COQ8A: variants seen among roughly 807,000 people sequenced by gnomAD.
COQ8A encodes the protein atypical kinase COQ8A, mitochondrial.
A neutral mutation model predicts 65.0 loss-of-function variants in COQ8A; 51 were observed. That is an observed-to-expected ratio of 0.78 (90% CI 0.63 to 0.99). The LOEUF (loss-of-function observed/expected upper bound fraction) is 0.99, where lower values mean the gene tolerates loss of function less well. Ranked by LOEUF, COQ8A falls within the 50% of genes least tolerant of loss-of-function variation. The probability of loss-of-function intolerance (pLI) is 0.00; values close to 1 mark genes in which losing one functional copy is unlikely to be tolerated. For missense variants in COQ8A, 940 were observed against 875.0 expected, an observed-to-expected ratio of 1.07 and a Z score of -0.94; for synonymous variants, 371 against 353.2, an observed-to-expected ratio of 1.05 and a Z score of -0.57.
At chr1:226,980,483 C>T (rs1192970632) in intron 5 of COQ8A, among the ~76,000 whole-genome samples, 1 of 152,188 alleles carries the variant, frequency 6.6e-6, no homozygotes, top group African/African-American at 2.4e-5. Context: ...GCCTGCCCCT[C>T]CCCAGGGACC....
chr1:226,977,553 G>C, intron 5 of COQ8A, 30 bp downstream of exon 5: 2 of 1,547,878 alleles, frequency 1.3e-6, no homozygotes. Flanking sequence ...GGGAGGGGCA[G>C]GGTGGGCCCC....
At chr1:226,957,988 G>C (rs75334923) in intron 1 of COQ8A, 1 of 152,128 alleles carries the variant, frequency 6.6e-6, no homozygotes, top group Non-Finnish European at 1.5e-5. Flanking sequence ...ACCCCTGTCC[G>C]TGGGGTTGGG....
intron 5 of COQ8A, among the ~76,000 whole-genome samples, chr1:226,978,189 C>T (rs140678488): frequency 2.7e-5 from 4 of 149,874 alleles, no homozygotes; most frequent in African/African-American, 9.8e-5. Flanking sequence ...CCTCCACACA[C>T]CCACCTCATA....
At chr1:226,953,155 G>T (rs540400903) in intron 1 of COQ8A, among the ~76,000 whole-genome samples, 15 of 151,944 alleles carry the variant, frequency 9.9e-5, no homozygotes, top group Non-Finnish European at 1.9e-4. Context: ...TCAGCCTCCC[G>T]AGTAGCTGGG....
chr1:226,968,321 T>G (rs1305870432), intron 4 of COQ8A, among the ~76,000 whole-genome samples: 1 of 151,976 alleles, frequency 6.6e-6, no homozygotes, highest in East Asian at 1.9e-4. Context: ...GGCGACAGAG[T>G]GAGACTCTGT....
At chr1:226,943,522 G>A (rs1271325036) in intron 1 of COQ8A, among the ~76,000 whole-genome samples, 1 of 152,164 alleles carries the variant, frequency 6.6e-6, no homozygotes, top group Non-Finnish European at 1.5e-5. Flanking sequence ...AGAACTGAAG[G>A]CATGGATTCA....
Position 226,965,655 on chromosome 1 carries a change from T to C in COQ8A, c.589-16T>C, listed in dbSNP as rs1337996417. The C allele has an allele frequency of 1.2e-6, 2 of 1,613,926 alleles. No homozygotes were observed. Among genetic ancestry groups the C allele is most frequent in the South Asian group, 2.2e-5 (2 of 91,070 alleles). The stretch of plus-strand genomic sequence containing the variant: ...CCTTGGCTGATTCCACAGGTCTCTT[T>C]CTCGTCTCCCTCCAGCTCAGCGAGC... On this transcript the variant is annotated splice_polypyrimidine_tract_variant and intron_variant, in intron 3 of 14. Coordinates refer to ENST00000366777, the MANE Select transcript of COQ8A (RefSeq NM_020247.5).
chr1:226,956,200 T>C (rs1657738399), intron 1 of COQ8A, among the ~76,000 whole-genome samples: 1 of 129,526 alleles, frequency 7.7e-6, no homozygotes. Flanking sequence ...ACACTCTCCC[T>C]GGCTGCCACT....
At position 226,972,479 on chromosome 1, in the gene COQ8A, G is replaced by A. The variant is rs999204533; in HGVS notation, c.656-4970G>A. On this transcript the variant is annotated intron_variant, in intron 4 of 14. Transcript: ENST00000366777. The surrounding 1 kb of genome is among the most constrained non-coding windows in gnomAD (Gnocchi z 4.3). ...ATTTTTAAAAGGTAAAAGGTTGGGGGTCCCTTACTCCCAGAAAAATACTTT... is the reference window on the plus strand; with the variant it reads ...ATTTTTAAAAGGTAAAAGGTTGGGGATCCCTTACTCCCAGAAAAATACTTT... Among the ~76,000 whole-genome samples the A allele has an allele frequency of 6.6e-6, 1 of 152,106 alleles. No homozygotes were observed. Among genetic ancestry groups the A allele is most frequent in the South Asian group, 2.1e-4 (1 of 4,830 alleles).
chr1:226,956,158 A>C (rs1391808842), intron 1 of COQ8A, among the ~76,000 whole-genome samples: 88 of 97,880 alleles, frequency 9.0e-4, no homozygotes, highest in South Asian at 2.3e-3. Context: ...TCCCTGGTTC[A>C]CACTCTCCCT....
At chr1:226,977,877 C>T (rs1226987680) in intron 5 of COQ8A, among the ~76,000 whole-genome samples, 2 of 150,498 alleles carry the variant, frequency 1.3e-5, no homozygotes, top group South Asian at 4.2e-4. Flanking sequence ...CGAACACCCG[C>T]AGACCTTACC....
intron 4 of COQ8A, among the ~76,000 whole-genome samples, chr1:226,973,397 A>G (rs1157247923): frequency 1.3e-5 from 2 of 152,182 alleles, no homozygotes; most frequent in Non-Finnish European, 2.9e-5. Context: ...GCCAAGAAGA[A>G]GCATATGGCC....
At chr1:226,944,925 GAGAC>G (rs769039156) in intron 1 of COQ8A, among the ~76,000 whole-genome samples, 20 of 152,120 alleles carry the variant, frequency 1.3e-4, no homozygotes, top group Non-Finnish European at 2.5e-4. Context: ...TGTTTCCTGA[GAGAC>G]AGAGAGGCTG....
intron 1 of COQ8A, among the ~76,000 whole-genome samples, chr1:226,953,115 C>T (rs1007022933): frequency 5.3e-5 from 8 of 152,096 alleles, no homozygotes; most frequent in South Asian, 2.1e-4. Flanking sequence ...CTGCAGCTTC[C>T]GCCTCCTGGT....
Position 226,983,891 on chromosome 1 carries a change from C to A in COQ8A, c.1256+37C>A, listed in dbSNP as rs369852478. 6 of 1,593,996 alleles carry A rather than the reference C, an allele frequency of 3.8e-6. No homozygotes were observed. The African/African-American group carries it at 8.1e-5, about 21-fold the overall frequency. On this transcript the variant is annotated intron_variant, in intron 10 of 14. Coordinates refer to ENST00000366777, the MANE Select transcript of COQ8A (RefSeq NM_020247.5). ...GGCCGGGCCCCTTGCGTGTTTGCAC[C>A]AGGGAGGCAGAAGGGACCATGTTCA...
intron 1 of COQ8A, among the ~76,000 whole-genome samples, chr1:226,960,603 A>T: frequency 4.0e-5 from 2 of 50,016 alleles, no homozygotes; most frequent in East Asian, 6.7e-4. Flanking sequence ...TGGTGGCGGC[A>T]GTGGCGGTGG....
chr1:226,976,987 TC>T (rs1285761833), intron 4 of COQ8A, among the ~76,000 whole-genome samples: 1 of 152,180 alleles, frequency 6.6e-6, no homozygotes, highest in Non-Finnish European at 1.5e-5. Context: ...CCTTTCCTGT[TC>T]CAGTGAATTA....
At position 226,986,722 on chromosome 1, in the gene COQ8A, G is replaced by A. The variant is rs1660143510; in HGVS notation, c.1929G>A (p.Arg643=). 1 of 1,613,282 alleles carries A rather than the reference G, an allele frequency of 6.2e-7. No homozygotes were observed. The highest frequency in any genetic ancestry group is 8.5e-7 in the Non-Finnish European group (1 of 1,180,018). ...AGGCCTACAGCAACTACTGCAAGAG[G>A]CAGGCCCAGCAGTAGGGCTGCGGGC... ...FEEAYSNYCK[R]QAQQ The change falls in exon 15 of 15, where the codon AGG becomes AGA. Residue 643 remains arginine (R), a synonymous_variant. Coordinates refer to ENST00000366777, the MANE Select transcript of COQ8A (RefSeq NM_020247.5).
chr1:226,964,651 C>G (rs1395100893), intron 2 of COQ8A, among the ~76,000 whole-genome samples: 1 of 152,230 alleles, frequency 6.6e-6, no homozygotes, highest in Non-Finnish European at 1.5e-5. Flanking sequence ...CTTTTGCGCC[C>G]TGGTTTACCA....
Sources: allele counts gnomAD v4.1 joint callset (sites outside exome capture counted in the v4.1 genomes callset), GRCh38; gene constraint gnomAD v4.1.1; non-coding constraint Gnocchi (gnomAD v3.1); transcripts MANE v1.5; gene names NCBI Gene and HGNC (gene_info 2026-07-23, HGNC 2026-07-21).